Variants in RPF2 observed in about 807,000 individuals in gnomAD.
The protein encoded by RPF2 is ribosome production factor 2 homolog, also known as brix domain containing 1.
A neutral mutation model predicts 38.9 loss-of-function variants in RPF2; 21 were observed. The observed-to-expected ratio is 0.54, with a 90% CI of 0.38 to 0.78. The LOEUF is 0.78. Among genes scored for constraint, RPF2 ranks in the 30% least tolerant of loss-of-function variants. RPF2 has a pLI of 0.00. For synonymous variants in RPF2, 121 were observed against 126.2 expected (o/e 0.96, Z 0.28); for missense variants, 314 against 358.1 (o/e 0.88, Z 0.99).
At chr6:110,982,211 C>A in intron 1 of RPF2, 82 bp downstream of exon 1, 1 of 1,485,604 alleles carries the variant, frequency 6.7e-7, no homozygotes, top group Non-Finnish European at 9.4e-7. Flanking sequence ...CGGCCTCTCA[C>A]TCTTCCTGGT....
intron 6 of RPF2, 124 bp downstream of exon 6, chr6:110,999,911 G>T: frequency 1.8e-6 from 1 of 571,270 alleles, no homozygotes; most frequent in Non-Finnish European, 3.2e-6. Context: ...ATTTTGACAT[G>T]CTCCAGGATA....
At position 111,025,535 on chromosome 6, in the gene RPF2, A is replaced by G. The variant is rs769015039; in HGVS notation, c.874A>G (p.Ile292Val). Residue 292 changes from isoleucine (I) to valine (V), a missense_variant, in exon 10 of 10, where the codon ATA becomes GTA. Coordinates refer to ENST00000441448, the MANE Select transcript of RPF2 (RefSeq NM_032194.3). ...KGLKKRPAERITEDHEKKSKR... is the reference protein window; with the variant it reads ...KGLKKRPAERVTEDHEKKSKR... ...GTTGAAGAAGCGACCTGCAGAAAGG[A>G]TAACAGAAGACCACGAGAAAAAGTC... 1.2e-6 allele frequency: 2 copies of G among 1,611,694 alleles called. No individual in the cohort carries two copies. Among genetic ancestry groups the G allele is most frequent in the Non-Finnish European group, 8.5e-7 (1 of 1,179,562 alleles).
intron 2 of RPF2, 105 bp downstream of exon 2, chr6:110,985,243 A>G (rs906022099): frequency 9.1e-6 from 9 of 990,702 alleles, no homozygotes; most frequent in Admixed American, 7.1e-5. Context: ...TTGCCTTACC[A>G]TAAGAACTAC....
At chr6:110,994,168 C>G (rs574899849) in intron 4 of RPF2, among the ~76,000 whole-genome samples, 1 of 151,786 alleles carries the variant, frequency 6.6e-6, no homozygotes, top group Non-Finnish European at 1.5e-5. Context: ...TCCAGCTACT[C>G]GGGAGGTGAG....
intron 4 of RPF2, among the ~76,000 whole-genome samples, chr6:110,995,023 G>T (rs1430735939): frequency 1.3e-5 from 2 of 151,992 alleles, no homozygotes; most frequent in Non-Finnish European, 2.9e-5. Flanking sequence ...TCCCACCTCA[G>T]TCTCCTGAGT....
intron 2 of RPF2, among the ~76,000 whole-genome samples, chr6:110,988,028 A>G (rs959048444): frequency 1.3e-5 from 2 of 152,086 alleles, no homozygotes; most frequent in African/African-American, 4.8e-5. Context: ...AGCCTGGACA[A>G]CATGGTGAAA....
At chr6:110,983,239 A>G (rs1771462152) in intron 1 of RPF2, among the ~76,000 whole-genome samples, 1 of 152,202 alleles carries the variant, frequency 6.6e-6, no homozygotes, top group Non-Finnish European at 1.5e-5. Flanking sequence ...GAAGTGTGTA[A>G]AAACATGCCA....
intron 2 of RPF2, among the ~76,000 whole-genome samples, chr6:110,987,232 T>C (rs897169710): frequency 2.0e-5 from 3 of 151,988 alleles, no homozygotes; most frequent in African/African-American, 7.2e-5. Flanking sequence ...AATTTCTGTG[T>C]TCTTTTAGTA....
Position 111,025,603 on chromosome 6 carries a change from C to T in RPF2, c.*21C>T, listed in dbSNP as rs1044387. ...ATTGATGGAACTTAGCCAGCCACTA[C>T]TGTTTCATTGTGTTCTACTTAAGAG... On this transcript the variant is annotated 3_prime_UTR_variant, in exon 10 of 10. Coordinates refer to ENST00000441448, the MANE Select transcript of RPF2 (RefSeq NM_032194.3). 0.2 allele frequency: 314,978 copies of T among 1,579,038 alleles called. 32,348 individuals carry two copies. Among genetic ancestry groups the T allele is most frequent in the African/African-American group, 0.3 (22,144 of 73,122 alleles).
At chr6:111,016,890 C>A (rs957287062) in intron 8 of RPF2, among the ~76,000 whole-genome samples, 9 of 151,416 alleles carry the variant, frequency 5.9e-5, no homozygotes, top group Non-Finnish European at 1.3e-4. Flanking sequence ...TGACTCTTAA[C>A]AAGCATGCTG....
chr6:111,018,910 A>G (rs1341027496), intron 8 of RPF2, among the ~76,000 whole-genome samples: 1 of 152,180 alleles, frequency 6.6e-6, no homozygotes, highest in Non-Finnish European at 1.5e-5. Flanking sequence ...AAGATGAAAA[A>G]TCACTAATAT....
At chr6:111,022,613 C>T (rs189688499) in intron 8 of RPF2, among the ~76,000 whole-genome samples, 55 of 138,834 alleles carry the variant, frequency 4.0e-4, no homozygotes, top group Admixed American at 1.6e-3. Flanking sequence ...TTCATTAGGA[C>T]GCTTGTGAAT....
chr6:111,013,175 G>T (rs996383400), intron 7 of RPF2, among the ~76,000 whole-genome samples: 1 of 152,118 alleles, frequency 6.6e-6, no homozygotes, highest in South Asian at 2.1e-4. Flanking sequence ...GCAGTTGTTT[G>T]TATGTATTCA....
At chr6:111,006,878 G>A (rs6568661) in intron 6 of RPF2, among the ~76,000 whole-genome samples, 54,258 of 151,670 alleles carry the variant, frequency 0.36, 10,583 homozygotes, top group East Asian at 0.75. Context: ...GTTCGAGACC[G>A]GCCTGACCAA....
At chr6:111,007,002 T>C (rs1308414594) in intron 6 of RPF2, among the ~76,000 whole-genome samples, 1 of 151,992 alleles carries the variant, frequency 6.6e-6, no homozygotes, top group Non-Finnish European at 1.5e-5. Flanking sequence ...GATAGCGCCA[T>C]TGCACTCCAG....
chr6:110,999,406 G>C (rs1455622269), intron 5 of RPF2, among the ~76,000 whole-genome samples: 1 of 151,994 alleles, frequency 6.6e-6, no homozygotes, highest in African/African-American at 2.4e-5. Flanking sequence ...CTTTACCTCA[G>C]TGTATTGAGA....
At chr6:111,005,782 C>A (rs1440201102) in intron 6 of RPF2, among the ~76,000 whole-genome samples, 2 of 152,058 alleles carry the variant, frequency 1.3e-5, no homozygotes, top group African/African-American at 4.8e-5. Flanking sequence ...AGATGTGCAC[C>A]ACCACACCTG....
At chr6:110,992,678 A>G (rs1177387668) in intron 4 of RPF2, among the ~76,000 whole-genome samples, 3 of 152,196 alleles carry the variant, frequency 2.0e-5, no homozygotes, top group Non-Finnish European at 4.4e-5. Context: ...ATAGTCAACC[A>G]AAACTAAATG....
At chr6:111,001,818 C>T (rs1771815981) in intron 6 of RPF2, among the ~76,000 whole-genome samples, 2 of 152,158 alleles carry the variant, frequency 1.3e-5, no homozygotes, top group Non-Finnish European at 2.9e-5. Flanking sequence ...ATTTCACTTC[C>T]AAAGCAATGA....
Sources: gnomAD v4.1 joint callset for allele counts (sites outside exome capture counted in the v4.1 genomes callset) on GRCh38, gnomAD v4.1.1 for gene constraint, MANE v1.5 for transcripts, NCBI Gene and HGNC (gene_info 2026-07-23, HGNC 2026-07-21) for gene names.